TOPBP1: variants seen among roughly 807,000 people sequenced by gnomAD.
TOPBP1 encodes the protein DNA topoisomerase 2-binding protein 1.
Under a neutral mutation model 167.7 loss-of-function variants are expected in TOPBP1, and 28 were observed. That is an observed-to-expected ratio of 0.17 (90% CI 0.12 to 0.23). The LOEUF is 0.23. TOPBP1 is among the 10% of genes least tolerant of loss of function. TOPBP1 has a pLI of 1.00. For synonymous variants in TOPBP1, 598 were observed against 611.4 expected, an observed-to-expected ratio of 0.98 and a Z score of 0.32; for missense variants, 1,554 against 1,809.6, an observed-to-expected ratio of 0.86 and a Z score of 2.56.
intron 6 of TOPBP1, among the ~76,000 whole-genome samples, chr3:133,654,862 A>T (rs2107832794): frequency 6.6e-6 from 1 of 152,318 alleles, no homozygotes; most frequent in South Asian, 2.1e-4. Context: ...ACAGTATCAA[A>T]CTAGATTAAT....
Position 133,637,965 on chromosome 3 carries a change from G to C in TOPBP1, c.2431C>G (p.Pro811Ala). The C allele has an allele frequency of 3.7e-6, 6 of 1,613,974 alleles. No homozygotes were observed. The highest frequency in any genetic ancestry group is 5.1e-6 in the Non-Finnish European group (6 of 1,179,862). Residue 811 changes from proline (P) to alanine (A), a missense_variant, in exon 14 of 28, where the codon CCA becomes GCA. Around this residue, in one of 3 missense-constraint regions of TOPBP1, gnomAD observed 1,197 missense variants for 1,351.5 expected, o/e 0.89. Transcript: ENST00000260810. ...QVAASPAVGQ[P>A]LQKEPSLHLD... ...TGTAACGAGGGCTCCTTCTGAAGTG[G>C]TTGTCCTACTGCTGGGGAGGCTGCG...
chr3:133,639,045 C>G (rs910140707), intron 13 of TOPBP1, among the ~76,000 whole-genome samples: 1 of 152,196 alleles, frequency 6.6e-6, no homozygotes, highest in African/African-American at 2.4e-5. Context: ...CTTCCCAAGA[C>G]AGTGTGGCGA....
At chr3:133,628,035 C>T (rs912311201) in intron 16 of TOPBP1, 4 of 231,168 alleles carry the variant, frequency 1.7e-5, no homozygotes, top group Non-Finnish European at 3.4e-5. Flanking sequence ...TTAATAGACT[C>T]TAAACTCCTT....
At chr3:133,630,639 C>T (rs571018503) in intron 14 of TOPBP1, among the ~76,000 whole-genome samples, 2 of 152,024 alleles carry the variant, frequency 1.3e-5, no homozygotes, top group South Asian at 4.2e-4. Flanking sequence ...GCTCTCTTGC[C>T]CAGAACGGAC....
At position 133,623,012 on chromosome 3, in the gene TOPBP1, T is replaced by C; in HGVS notation, c.3178+79A>G. On this transcript the variant is annotated intron_variant, in intron 19 of 27. Coordinates refer to ENST00000260810, the MANE Select transcript of TOPBP1 (RefSeq NM_007027.4). ...GAGTTTCAGACCAGTGTGGGCAAGATGACAAGACCCCATCTCCACAAAAAA... is the reference window on the plus strand; with the variant it reads ...GAGTTTCAGACCAGTGTGGGCAAGACGACAAGACCCCATCTCCACAAAAAA... 6.3e-6 allele frequency: 5 copies of C among 792,798 alleles called. No homozygotes were observed. The South Asian group carries it at 8.3e-5, about 13-fold the overall frequency. 49.1% of individuals were successfully genotyped at this position (792,798 alleles called of 1,614,324 possible).
intron 13 of TOPBP1, 48 bp from the exon 14 acceptor site, chr3:133,638,210 C>T: frequency 6.5e-7 from 1 of 1,545,464 alleles, no homozygotes; most frequent in Non-Finnish European, 8.9e-7. Flanking sequence ...CTAATGCCCA[C>T]TTTTTCCCGG....
intron 9 of TOPBP1, 35 bp downstream of exon 9, chr3:133,649,745 A>C (rs1936220344): frequency 6.3e-7 from 1 of 1,583,890 alleles, no homozygotes; most frequent in Non-Finnish European, 8.5e-7. Context: ...AAAATTATGT[A>C]GTAGAAATTG....
chr3:133,650,631 A>G (rs368363477), intron 8 of TOPBP1, among the ~76,000 whole-genome samples: 19 of 152,174 alleles, frequency 1.2e-4, no homozygotes, highest in East Asian at 5.8e-4. Context: ...TCTATTTTAC[A>G]TAAGGTGCCC....
rs111946225 is a variant in TOPBP1 at position 133,601,488 on chromosome 3, G to A, written c.4426-95C>T. On this transcript the variant is annotated intron_variant, in intron 27 of 27. Transcript: ENST00000260810. Reference sequence around the variant, plus strand: ...TTCTTTAAATCTCAGACCTCTCAGGGATGAATCTGACAAACTTAAAGGAAA... The same window carrying A: ...TTCTTTAAATCTCAGACCTCTCAGGAATGAATCTGACAAACTTAAAGGAAA... 5.2e-5 allele frequency: 52 copies of A among 1,001,768 alleles called. 1 individual carries two copies. The African/African-American group carries it at 5.9e-4, about 11-fold the overall frequency. The allele number at this position is 1,001,768 out of a possible 1,614,324, so 62.1% of individuals were successfully genotyped here. A position where few individuals can be genotyped will look rare whatever the true frequency, so the allele number is the denominator to read the frequency against.
At chr3:133,649,249 T>C (rs958932573) in intron 10 of TOPBP1, 134 bp downstream of exon 10, 2 of 1,250,804 alleles carry the variant, frequency 1.6e-6, no homozygotes, top group African/African-American at 3.0e-5. Flanking sequence ...AAAAAAGTTA[T>C]GAGGAAAATT....
intron 11 of TOPBP1, among the ~76,000 whole-genome samples, chr3:133,643,615 GA>G (rs1935973193): frequency 6.6e-6 from 1 of 151,864 alleles, no homozygotes; most frequent in South Asian, 2.1e-4. Context: ...TCTATTATTA[GA>G]GTTACTGAAT....
chr3:133,632,483 C>T (rs1334511847), intron 14 of TOPBP1, among the ~76,000 whole-genome samples: 3 of 152,284 alleles, frequency 2.0e-5, no homozygotes, highest in South Asian at 2.1e-4. Flanking sequence ...CAGATTAATA[C>T]ACCTTTATAG....
Position 133,628,657 on chromosome 3 carries a change from A to G in TOPBP1, c.2597T>C (p.Val866Ala), listed in dbSNP as rs764639160. Residue 866 changes from valine to alanine, a missense_variant, in exon 15 of 28, where the codon GTT becomes GCT. By Grantham distance (64) the Val-to-Ala change is moderately conservative. This residue lies in a region of TOPBP1 where 1,197 missense variants were observed against 1,351.5 expected (regional missense o/e 0.89). Coordinates refer to ENST00000260810, the MANE Select transcript of TOPBP1 (RefSeq NM_007027.4). ...KRKPSTPLSE[V>A]IVKNLQLALA... ...AGCAAGTTGCAAGTTTTTGACAATA[A>G]CTTCTGAGAGTGGCGTACTCGGTTT... 6.3e-6 allele frequency: 10 copies of G among 1,586,558 alleles called. No individual in the cohort carries two copies. Among genetic ancestry groups the G allele is most frequent in the Non-Finnish European group, 8.6e-6 (10 of 1,165,466 alleles).
At chr3:133,612,690 A>G in intron 23 of TOPBP1, 138 bp from the exon 24 acceptor site, 1 of 618,928 alleles carries the variant, frequency 1.6e-6, no homozygotes, top group South Asian at 3.1e-5. Flanking sequence ...TGACTTACTT[A>G]GAATTATTTT....
At chr3:133,659,447 T>C (rs895830053) in intron 2 of TOPBP1, among the ~76,000 whole-genome samples, 4 of 152,194 alleles carry the variant, frequency 2.6e-5, no homozygotes, top group African/African-American at 4.8e-5. Flanking sequence ...TACTACAGCC[T>C]TCAAGACAAC....
chr3:133,618,601 T>C (rs1003585558), intron 20 of TOPBP1, among the ~76,000 whole-genome samples, 168 bp from the exon 21 acceptor site: 2 of 151,986 alleles, frequency 1.3e-5, no homozygotes, highest in African/African-American at 2.4e-5. Context: ...TTTTTTTTTT[T>C]TAAAAAGGTT....
chr3:133,659,147 T>C lies in TOPBP1; in HGVS notation c.88A>G (p.Ile30Val), dbSNP rs768753659. 23 of 1,559,706 alleles carry C rather than the reference T, an allele frequency of 1.5e-5. No homozygotes were observed. Among genetic ancestry groups the C allele is most frequent in the Non-Finnish European group, 1.9e-5 (22 of 1,155,108 alleles). ...SKCFFKALESIKEFQSEEYLQ... is the reference protein window; with the variant it reads ...SKCFFKALESVKEFQSEEYLQ... ...TATTCTTCTGATTGGAATTCTTTTA[T>C]GGACTGAAAGAAAAAATAAAATAAG... Residue 30 changes from isoleucine to valine, a missense_variant, in exon 3 of 28, where the codon ATA becomes GTA. By Grantham distance (29) the Ile-to-Val change is conservative. Coordinates refer to ENST00000260810, the MANE Select transcript of TOPBP1 (RefSeq NM_007027.4).
intron 23 of TOPBP1, among the ~76,000 whole-genome samples, chr3:133,616,481 G>A (rs1346770241): frequency 6.6e-6 from 1 of 152,132 alleles, no homozygotes; most frequent in Non-Finnish European, 1.5e-5. Context: ...CTCCTCTCTA[G>A]ATATTATTAA....
In TOPBP1 at chr3:133,623,379, C is replaced by A. The variant is rs79533362; in HGVS notation, c.3007G>T (p.Ala1003Ser). The part of the protein sequence containing the change: ...YNPKMSLDIS[A>S]VQDGRLCNSR... The stretch of plus-strand genomic sequence containing the variant: ...TTACAGAGCCGGCCATCTTGCACTG[C>A]GCTGATATCCAAGCTCATTTTGGGA... The change falls in exon 18 of 28, where the codon GCA (alanine) becomes TCA (serine). Residue 1003 changes from alanine to serine, a missense_variant. By Grantham distance (99) the Ala-to-Ser change is moderately conservative. Transcript: ENST00000260810. The A allele has an allele frequency of 9.9e-6, 16 of 1,613,096 alleles. No homozygotes were observed. The highest frequency in any genetic ancestry group is 1.2e-5 in the Non-Finnish European group (14 of 1,179,586).
Sources: allele counts gnomAD v4.1 joint callset (sites outside exome capture counted in the v4.1 genomes callset), GRCh38; gene constraint gnomAD v4.1.1; regional missense constraint gnomAD v4.1.1; transcripts MANE v1.5; gene names NCBI Gene and HGNC (gene_info 2026-07-23, HGNC 2026-07-21).